Variants in FAM78A observed in about 807,000 individuals in gnomAD.
FAM78A encodes the protein family with sequence similarity 78 member A.
Under a neutral mutation model 22.6 loss-of-function variants are expected in FAM78A, and 12 were observed. The ratio of observed to expected loss-of-function variants is 0.53; its 90% CI spans 0.34 to 0.86. FAM78A has a LOEUF of 0.86. Among genes scored for constraint, FAM78A ranks in the 40% least tolerant of loss-of-function variants. The pLI is 0.02. For synonymous variants in FAM78A, 151 were observed against 155.8 expected, an observed-to-expected ratio of 0.97 and a Z score of 0.23; for missense variants, 322 against 396.1, an observed-to-expected ratio of 0.81 and a Z score of 1.59.
Position 131,270,329 on chromosome 9 carries a change from C to T in FAM78A, c.323+5528G>A, listed in dbSNP as rs574561284. ...TCCTCCCACAAACAACAGGTGAAGACGCTTCCTTCCCCCAAACACTGGGCA... is the reference window on the plus strand; with the variant it reads ...TCCTCCCACAAACAACAGGTGAAGATGCTTCCTTCCCCCAAACACTGGGCA... On this transcript the variant is annotated intron_variant, in intron 1 of 1. Coordinates refer to ENST00000372271, the MANE Select transcript of FAM78A (RefSeq NM_033387.4). 1.4e-4 allele frequency: 102 copies of T among 717,652 alleles called. No individual in the cohort carries two copies. In the African/African-American group the frequency reaches 1.5e-3, roughly 11 times the overall value. The allele number at this position is 717,652 out of a possible 1,614,324, so 44.5% of individuals were successfully genotyped here.
At chr9:131,270,495 T>C in intron 1 of FAM78A, 1 of 716,240 alleles carries the variant, frequency 1.4e-6, no homozygotes, top group Non-Finnish European at 2.6e-6. Flanking sequence ...GCTTGGAAGG[T>C]GGATGAGGGC....
At chr9:131,267,532 T>C (rs939485905) in intron 1 of FAM78A, among the ~76,000 whole-genome samples, 8 of 152,096 alleles carry the variant, frequency 5.3e-5, no homozygotes, top group Admixed American at 3.3e-4. Flanking sequence ...ATACCCTGTC[T>C]CTGAAAGAAA....
rs1195726943 is a variant in FAM78A, at chr9:131,265,069, ATTGAG to A, written c.324-3724_324-3720del. On this transcript the variant is annotated intron_variant, in intron 1 of 1. Coordinates refer to ENST00000372271, the MANE Select transcript of FAM78A (RefSeq NM_033387.4). The surrounding 1 kb of genome is among the most constrained non-coding windows in gnomAD (Gnocchi z 4.3). The stretch of plus-strand genomic sequence containing the variant: ...TGTTTCTCTTCTCTATTAAATTTCT[ATTGAG>A]TTTTTTAGTGCTTTTTGTCCACCAT... 6.6e-6 allele frequency among the ~76,000 whole-genome samples: 1 copy of A among 151,768 alleles called. No homozygotes were observed. Among genetic ancestry groups the A allele is most frequent in the Non-Finnish European group, 1.5e-5 (1 of 67,938 alleles).
chr9:131,269,687 G>T (rs1835392919), intron 1 of FAM78A, among the ~76,000 whole-genome samples: 1 of 152,090 alleles, frequency 6.6e-6, no homozygotes, highest in South Asian at 2.1e-4. Flanking sequence ...ATGTTGGCCA[G>T]GCTGGTCTCG....
Position 131,275,770 on chromosome 9 carries a change from AC to A in FAM78A, c.323+86del. 2 of 1,386,012 alleles carry A rather than the reference AC, an allele frequency of 1.4e-6. No homozygotes were observed. Among genetic ancestry groups the A allele is most frequent in the Non-Finnish European group, 1.9e-6 (2 of 1,028,208 alleles). 85.9% of individuals were successfully genotyped at this position (1,386,012 alleles called of 1,614,324 possible). Reference sequence around the variant, plus strand: ...TCCGTCCTGTCTTCATGGTATCTCCACCTTCCCCCTATCCGCGGCCCCCCAC... The same window carrying A: ...TCCGTCCTGTCTTCATGGTATCTCCACTTCCCCCTATCCGCGGCCCCCCAC... On this transcript the variant is annotated intron_variant, in intron 1 of 1. Coordinates refer to ENST00000372271, the MANE Select transcript of FAM78A (RefSeq NM_033387.4). This position sits in a 1 kb window ranked among gnomAD's most constrained non-coding sequence, Gnocchi z 4.6.
intron 1 of FAM78A, among the ~76,000 whole-genome samples, chr9:131,270,996 C>T (rs940177877): frequency 6.7e-6 from 1 of 148,636 alleles, no homozygotes; most frequent in African/African-American, 2.5e-5. Context: ...TCCTTTCCCA[C>T]CAGTCTTTTT....
Position 131,276,242 on chromosome 9 carries a change from G to C in FAM78A, c.-63C>G, listed in dbSNP as rs867458152. 1.4e-6 allele frequency: 2 copies of C among 1,384,482 alleles called. No homozygotes were observed. Among genetic ancestry groups the C allele is most frequent in the South Asian group, 2.6e-5 (2 of 76,112 alleles). 85.8% of individuals were successfully genotyped at this position (1,384,482 alleles called of 1,614,324 possible). ...GCTGCTCTCCAATCTCAACTCTCAA[G>C]ACCGATATCCATAGGATAGAAAACT... is the stretch of plus-strand genomic sequence containing the variant. On this transcript the variant is annotated 5_prime_UTR_variant, in exon 1 of 2. Coordinates refer to ENST00000372271, the MANE Select transcript of FAM78A (RefSeq NM_033387.4). The surrounding 1 kb of genome is among the most constrained non-coding windows in gnomAD (Gnocchi z 4.3).
Position 131,261,030 on chromosome 9 carries a change from A to T in FAM78A, c.644T>A (p.Leu215His). Residue 215 changes from leucine (L) to histidine (H), a missense_variant, in exon 2 of 2, where the codon CTC (leucine) becomes CAC (histidine). Leu to His is a moderately conservative substitution (Grantham distance 99). Transcript: ENST00000372271. This position sits in a 1 kb window ranked among gnomAD's most constrained non-coding sequence, Gnocchi z 7.1. ...CCGGTTGGGGTTCACCTCGATGCTG[A>T]GCTGCATGCGCCAGTGCAGCGTCTG... Reference protein sequence around the residue: ...ILQTLHWRMQLSIEVNPNRPL... With the variant: ...ILQTLHWRMQHSIEVNPNRPL... The T allele has an allele frequency of 6.2e-7, 1 of 1,614,040 alleles. No individual in the cohort carries two copies. Among genetic ancestry groups the T allele is most frequent in the Non-Finnish European group, 8.5e-7 (1 of 1,179,996 alleles).
At chr9:131,270,160 C>T (rs1835399505) in intron 1 of FAM78A, 1 of 628,512 alleles carries the variant, frequency 1.6e-6, no homozygotes, top group Admixed American at 2.2e-5. Flanking sequence ...GAGCCAAGAT[C>T]ATGCCACTGC....
chr9:131,265,334 C>T lies in FAM78A; in HGVS notation c.324-3984G>A, dbSNP rs1162321130. 6.6e-6 allele frequency among the ~76,000 whole-genome samples: 1 copy of T among 152,222 alleles called. No individual in the cohort carries two copies. Among genetic ancestry groups the T allele is most frequent in the Non-Finnish European group, 1.5e-5 (1 of 68,036 alleles). ...GCAATGGCATGATCTCAGCTCACTG[C>T]AACCTCTGCCTCCTGGGTTCAAGCG... On this transcript the variant is annotated intron_variant, in intron 1 of 1. Coordinates refer to ENST00000372271, the MANE Select transcript of FAM78A (RefSeq NM_033387.4). The surrounding 1 kb of genome is among the most constrained non-coding windows in gnomAD (Gnocchi z 4.3).
chr9:131,278,192 C>T (rs1215045630), upstream of FAM78A, among the ~76,000 whole-genome samples: 4 of 151,998 alleles, frequency 2.6e-5, no homozygotes, highest in Non-Finnish European at 5.9e-5. Context: ...GGGAGCTGAG[C>T]CTCTCCTTGA....
rs1835454525 is a variant in FAM78A at position 131,274,265 on chromosome 9, G to GC, written c.323+1591dup. ...TTTCCAAGTTCAGAAGAACCCACTG[G>GC]CTTCCTTACCCCTTCCAGGGAAGAA... is the stretch of plus-strand genomic sequence containing the variant. On this transcript the variant is annotated intron_variant, in intron 1 of 1. Coordinates refer to ENST00000372271, the MANE Select transcript of FAM78A (RefSeq NM_033387.4). The surrounding 1 kb of genome is among the most constrained non-coding windows in gnomAD (Gnocchi z 4.2). Among the ~76,000 whole-genome samples, 1 of 152,214 alleles carries GC rather than the reference G, an allele frequency of 6.6e-6. No homozygotes were observed. The highest frequency in any genetic ancestry group is 1.5e-5 in the Non-Finnish European group (1 of 68,042).
chr9:131,272,956 T>C lies in FAM78A; in HGVS notation c.323+2901A>G, dbSNP rs1369624290. Among the ~76,000 whole-genome samples the C allele has an allele frequency of 2.0e-5, 3 of 151,546 alleles. No individual in the cohort carries two copies. The highest frequency in any genetic ancestry group is 4.9e-5 in the African/African-American group (2 of 41,228). ...TCAAAAATAAATAAATAAAAATAAATAAAAATTAAAAAAAAGATAACTAAA... is the reference window on the plus strand; with the variant it reads ...TCAAAAATAAATAAATAAAAATAAACAAAAATTAAAAAAAAGATAACTAAA... On this transcript the variant is annotated intron_variant, in intron 1 of 1. Coordinates refer to ENST00000372271, the MANE Select transcript of FAM78A (RefSeq NM_033387.4). The surrounding 1 kb of genome is among the most constrained non-coding windows in gnomAD (Gnocchi z 4.1).
At chr9:131,264,508 T>G (rs186124091) in intron 1 of FAM78A, 275 of 702,512 alleles carry the variant, frequency 3.9e-4, no homozygotes, top group Non-Finnish European at 5.6e-4. Flanking sequence ...CTCTACCAGC[T>G]CTTCAGCAGC....
In FAM78A at chr9:131,275,287, G is replaced by A. The variant is rs1333883159; in HGVS notation, c.323+570C>T. Among the ~76,000 whole-genome samples, 1 of 152,222 alleles carries A rather than the reference G, an allele frequency of 6.6e-6. No individual in the cohort carries two copies. The highest frequency in any genetic ancestry group is 1.5e-5 in the Non-Finnish European group (1 of 68,030). ...AAGCGATACACTGTGAAGAAATCGG[G>A]CTTCTAAAACTAACTGTGCTCTCAA... On this transcript the variant is annotated intron_variant, in intron 1 of 1. Transcript: ENST00000372271. This position sits in a 1 kb window ranked among gnomAD's most constrained non-coding sequence, Gnocchi z 4.6.
At chr9:131,267,737 C>G (rs972021875) in intron 1 of FAM78A, among the ~76,000 whole-genome samples, 1 of 152,150 alleles carries the variant, frequency 6.6e-6, no homozygotes, top group African/African-American at 2.4e-5. Flanking sequence ...TAAGAAACAC[C>G]TTTACAGATA....
rs1835250236 is a variant in FAM78A at position 131,260,612 on chromosome 9, CTG to C, written c.*208_*209del. ...GTCACCCTGAGGGCGCACGTGGGGT[CTG>C]TCTGTCCTGCTTAGATCTCCCCTCT... On this transcript the variant is annotated 3_prime_UTR_variant, in exon 2 of 2. Coordinates refer to ENST00000372271, the MANE Select transcript of FAM78A (RefSeq NM_033387.4). The surrounding 1 kb of genome is among the most constrained non-coding windows in gnomAD (Gnocchi z 5.4). The C allele has an allele frequency of 2.1e-6, 1 of 470,734 alleles. No homozygotes were observed. Among genetic ancestry groups the C allele is most frequent in the Non-Finnish European group, 3.6e-6 (1 of 275,518 alleles). 29.2% of individuals were successfully genotyped at this position (470,734 alleles called of 1,614,324 possible).
Position 131,261,369 on chromosome 9 carries a change from A to G in FAM78A, c.324-19T>C, listed in dbSNP as rs763256657. 34 of 1,551,948 alleles carry G rather than the reference A, an allele frequency of 2.2e-5. 1 individual carries two copies. The South Asian group carries it at 2.6e-4, about 12-fold the overall frequency. On this transcript the variant is annotated intron_variant, in intron 1 of 1. Coordinates refer to ENST00000372271, the MANE Select transcript of FAM78A (RefSeq NM_033387.4). This position sits in a 1 kb window ranked among gnomAD's most constrained non-coding sequence, Gnocchi z 7.1. The stretch of plus-strand genomic sequence containing the variant: ...GCTGGACCTGAGGACAAGGAAGGCC[A>G]GTTCACTCACTCGGTCACTCAAGGA...
intron 1 of FAM78A, among the ~76,000 whole-genome samples, chr9:131,266,097 C>T (rs1431229825): frequency 6.6e-6 from 1 of 152,180 alleles, no homozygotes; most frequent in Non-Finnish European, 1.5e-5. Flanking sequence ...ACAGCGCCAT[C>T]CTGGACTCTC....
Sources: allele counts gnomAD v4.1 joint callset (sites outside exome capture counted in the v4.1 genomes callset), GRCh38; gene constraint gnomAD v4.1.1; non-coding constraint Gnocchi (gnomAD v3.1); transcripts MANE v1.5; gene names NCBI Gene and HGNC (gene_info 2026-07-23, HGNC 2026-07-21).